The following WHRN variants were observed in gnomAD, a reference collection of about 807,000 sequenced individuals.
The protein encoded by WHRN is CASK-interacting protein CIP98.
Under a neutral mutation model 68.3 loss-of-function variants are expected in WHRN, and 41 were observed. That is an observed-to-expected ratio of 0.60 (90% CI 0.47 to 0.78). The LOEUF is 0.78. Ranked by LOEUF, WHRN falls within the 30% of genes least tolerant of loss-of-function variation. WHRN has a pLI of 0.00. For missense variants in WHRN, 1,243 were observed against 1,244.7 expected (o/e 1.00, Z 0.02); for synonymous variants, 560 against 561.3 (o/e 1.00, Z 0.03).
At chr9:114,415,187 G>T (rs1289961896) in intron 7 of WHRN, among the ~76,000 whole-genome samples, 1 of 151,932 alleles carries the variant, frequency 6.6e-6, no homozygotes, top group African/African-American at 2.4e-5. Context: ...TGTGGCCCCA[G>T]TTACTCAGGA....
chr9:114,494,339 T>C (rs1420095799), intron 1 of WHRN, among the ~76,000 whole-genome samples: 5 of 152,212 alleles, frequency 3.3e-5, no homozygotes, highest in African/African-American at 4.8e-5. Flanking sequence ...TTCAGACCAA[T>C]AGATGCACCC....
intron 1 of WHRN, among the ~76,000 whole-genome samples, chr9:114,489,863 T>A (rs1842838165): frequency 6.6e-6 from 1 of 152,140 alleles, no homozygotes; most frequent in South Asian, 2.1e-4. Flanking sequence ...CTCCCTCCAC[T>A]CTATAGAAAG....
chr9:114,410,486 G>A (rs1433895644), intron 7 of WHRN, among the ~76,000 whole-genome samples: 3 of 152,234 alleles, frequency 2.0e-5, no homozygotes, highest in Admixed American at 2.0e-4. Context: ...TCACTGCAGT[G>A]AGCAGTAATG....
At chr9:114,457,777 A>T (rs558538422) in intron 3 of WHRN, among the ~76,000 whole-genome samples, 91 of 152,206 alleles carry the variant, frequency 6.0e-4, no homozygotes, top group Non-Finnish European at 1.2e-3. Flanking sequence ...TTAGCCAGGC[A>T]TGGTGGCAGG....
intron 6 of WHRN, 149 bp downstream of exon 6, chr9:114,424,185 G>C (rs185189373): frequency 2.2e-6 from 2 of 897,052 alleles, no homozygotes; most frequent in Non-Finnish European, 3.6e-6. Flanking sequence ...GAGCATCCTG[G>C]GGGCAGGAGG....
At chr9:114,483,191 T>G (rs1413881988) in intron 1 of WHRN, among the ~76,000 whole-genome samples, 2 of 152,198 alleles carry the variant, frequency 1.3e-5, no homozygotes, top group African/African-American at 4.8e-5. Context: ...TTTTTATATT[T>G]CTGGCGAAAC....
At chr9:114,438,641 A>G (rs1838088848) in intron 3 of WHRN, among the ~76,000 whole-genome samples, 1 of 151,886 alleles carries the variant, frequency 6.6e-6, no homozygotes, top group South Asian at 2.1e-4. Flanking sequence ...TTTAGTAGAG[A>G]TGGGGTTTCA....
chr9:114,459,255 T>A (rs2132844998), intron 3 of WHRN, among the ~76,000 whole-genome samples: 1 of 151,704 alleles, frequency 6.6e-6, no homozygotes, highest in Non-Finnish European at 1.5e-5. Context: ...GTCAGGAGTT[T>A]GAGACCAGCC....
rs1236761509 is a variant in WHRN at position 114,504,456 on chromosome 9, G to A, written c.346C>T (p.Leu116=). The A allele has an allele frequency of 1.2e-6, 2 of 1,607,756 alleles. No homozygotes were observed. Among genetic ancestry groups the A allele is most frequent in the East Asian group, 2.2e-5 (1 of 44,874 alleles). ...FDQYTAEGLY[L]PATTPYRQPA... ...TGCCTGTAGGGGGTGGTGGCGGGCAGGTAGAGGCCCTCGGCCGTGTATTGG... is the reference window on the plus strand; with the variant it reads ...TGCCTGTAGGGGGTGGTGGCGGGCAAGTAGAGGCCCTCGGCCGTGTATTGG... Residue 116 remains leucine (L), a synonymous_variant, in exon 1 of 12, where the codon CTG becomes TTG. Transcript: ENST00000362057.
At chr9:114,447,760 TTCTCTC>T (rs56013921) in intron 3 of WHRN, among the ~76,000 whole-genome samples, 5 of 151,280 alleles carry the variant, frequency 3.3e-5, no homozygotes, top group South Asian at 2.1e-4. Context: ...CTCACACACT[TTCTCTC>T]TCTCTCTTTC....
At chr9:114,462,821 T>C (rs1371898828) in intron 3 of WHRN, among the ~76,000 whole-genome samples, 1 of 152,062 alleles carries the variant, frequency 6.6e-6, no homozygotes, top group Non-Finnish European at 1.5e-5. Context: ...ATTGCAAAAA[T>C]TGTGTAATAA....
At position 114,424,482 on chromosome 9, in the gene WHRN, C is replaced by T. The variant is rs35003670; in HGVS notation, c.1268G>A (p.Arg423Gln). ...CCGAGCCTGCTCCTCCAGCAGCACTCGTGTCTGGTTCCCCAGGCTGCTCAG... is the reference window on the plus strand; with the variant it reads ...CCGAGCCTGCTCCTCCAGCAGCACTTGTGTCTGGTTCCCCAGGCTGCTCAG... ...VTLSSLGNQT[R>Q]VLLEEQARHL... The change falls in exon 6 of 12, where the codon CGA becomes CAA. Residue 423 changes from arginine to glutamine, a missense_variant. Arg to Gln is a conservative substitution (Grantham distance 43, BLOSUM62 1). Coordinates refer to ENST00000362057, the MANE Select transcript of WHRN (RefSeq NM_015404.4). 27 of 1,614,036 alleles carry T rather than the reference C, an allele frequency of 1.7e-5. No individual in the cohort carries two copies. The highest frequency in any genetic ancestry group is 1.6e-4 in the East Asian group (7 of 44,868).
At position 114,478,597 on chromosome 9, in the gene WHRN, G is replaced by A. The variant is rs373856120; in HGVS notation, c.793C>T (p.Arg265Trp). The A allele has an allele frequency of 5.9e-5, 96 of 1,613,914 alleles. No individual in the cohort carries two copies. The highest frequency in any genetic ancestry group is 7.3e-5 in the Non-Finnish European group (86 of 1,179,950). Residue 265 changes from arginine to tryptophan, a missense_variant, in exon 2 of 12, where the codon CGG (arginine) becomes TGG (tryptophan). Arg to Trp is a moderately radical substitution (Grantham distance 101, BLOSUM62 -3). Coordinates refer to ENST00000362057, the MANE Select transcript of WHRN (RefSeq NM_015404.4). ...GGALRQQEGD[R>W]RSTLHLLQGG... ...TGCAGGAGGTGCAGGGTGCTCCTCC[G>A]GTCACCCTCCTGCTGCCTCAGGGCA... is the stretch of plus-strand genomic sequence containing the variant.
At chr9:114,427,767 T>C (rs554273298) in intron 3 of WHRN, among the ~76,000 whole-genome samples, 124 of 144,214 alleles carry the variant, frequency 8.6e-4, no homozygotes, top group Non-Finnish European at 1.5e-3. Flanking sequence ...CTCTCTCCTC[T>C]GCACCGGCTT....
At chr9:114,448,238 G>A (rs1839008127) in intron 3 of WHRN, among the ~76,000 whole-genome samples, 1 of 152,132 alleles carries the variant, frequency 6.6e-6, no homozygotes, top group African/African-American at 2.4e-5. Flanking sequence ...GGAGATTTGA[G>A]CCACAAAGAA....
rs1015150796 is a variant in WHRN, at chr9:114,402,220, G to A, written c.*534C>T. Reference sequence around the variant, plus strand: ...AGCTGGGGCCTTGGGGTCCCCAGGGGCATGGGGAGGGAAATAAATAATAAA... The same window carrying A: ...AGCTGGGGCCTTGGGGTCCCCAGGGACATGGGGAGGGAAATAAATAATAAA... On this transcript the variant is annotated 3_prime_UTR_variant, in exon 12 of 12. Transcript: ENST00000362057. 2.9e-5 allele frequency: 5 copies of A among 173,570 alleles called. No homozygotes were observed. The highest frequency in any genetic ancestry group is 4.8e-5 in the African/African-American group (2 of 42,042). 10.8% of individuals were successfully genotyped at this position (173,570 alleles called of 1,614,324 possible). A position where few individuals can be genotyped will look rare whatever the true frequency, so the allele number is the denominator to read the frequency against.
At position 114,466,397 on chromosome 9, in the gene WHRN, CAGAG is replaced by C. The variant is rs1564189055; in HGVS notation, c.838-9_838-6del. On this transcript the variant is annotated splice_polypyrimidine_tract_variant and splice_region_variant and intron_variant, in intron 2 of 11. Transcript: ENST00000362057. ...GTCCCCCAGCACCAGGTTCACCTGTCAGAGGGAGAGGATAACATTAGAGGGACTG... is the reference window on the plus strand; with the variant it reads ...GTCCCCCAGCACCAGGTTCACCTGTCGGAGAGGATAACATTAGAGGGACTG... The C allele has an allele frequency of 6.2e-7, 1 of 1,613,984 alleles. No homozygotes were observed. The highest frequency in any genetic ancestry group is 1.3e-5 in the African/African-American group (1 of 75,066).
chr9:114,454,975 A>G (rs114998870), intron 3 of WHRN, among the ~76,000 whole-genome samples: 1 of 147,642 alleles, frequency 6.8e-6, no homozygotes, highest in Admixed American at 6.9e-5. Flanking sequence ...TAGTCCTTTC[A>G]GCAGATGGTG....
chr9:114,428,855 C>T (rs967769536), intron 3 of WHRN, among the ~76,000 whole-genome samples: 2 of 152,158 alleles, frequency 1.3e-5, no homozygotes, highest in Non-Finnish European at 2.9e-5. Context: ...CCTGCTCCCT[C>T]CCACGTGAGC....
Sources: gnomAD v4.1 joint callset for allele counts (sites outside exome capture counted in the v4.1 genomes callset) on GRCh38, gnomAD v4.1.1 for gene constraint, MANE v1.5 for transcripts, NCBI Gene and HGNC (gene_info 2026-07-23, HGNC 2026-07-21) for gene names.